The following GRIP1 variants were observed in gnomAD, a reference collection of about 807,000 sequenced individuals.
GRIP1 encodes the protein glutamate receptor interacting protein 1, also known as glutamate receptor-interacting protein 1.
In GRIP1, 45 loss-of-function variants were observed where a neutral mutation model predicts 129.9. That is an observed-to-expected ratio of 0.35 (90% confidence interval 0.27 to 0.44). GRIP1 has a LOEUF of 0.44. Among genes scored for constraint, GRIP1 ranks in the 20% least tolerant of loss-of-function variants. The pLI is 1.00. For synonymous variants in GRIP1, 530 were observed against 520.8 expected, an observed-to-expected ratio of 1.02 and a Z score of -0.24; for missense variants, 1,196 against 1,396.8, an observed-to-expected ratio of 0.86 and a Z score of 2.29.
intron 22 of GRIP1, chr12:66,372,137 AT>A (rs2055539939): frequency 1.6e-6 from 1 of 610,924 alleles, no homozygotes; most frequent in African/African-American, 1.8e-5. Context: ...CTCAAATCCA[AT>A]TTAAGTACTT....
intron 1 of GRIP1, among the ~76,000 whole-genome samples, chr12:66,923,250 G>A (rs2041242368): frequency 6.6e-6 from 1 of 152,184 alleles, no homozygotes; most frequent in Admixed American, 6.5e-5. Context: ...GGAAGCCAAA[G>A]CGGGAGGATC....
intron 1 of GRIP1, among the ~76,000 whole-genome samples, chr12:66,835,517 G>A (rs1394809671): frequency 2.0e-5 from 3 of 152,154 alleles, no homozygotes; most frequent in Non-Finnish European, 2.9e-5. Context: ...CCCCTCAGAA[G>A]GTGACGGGAT....
At chr12:66,593,684 C>A (rs764087992) in intron 2 of GRIP1, among the ~76,000 whole-genome samples, 2 of 152,110 alleles carry the variant, frequency 1.3e-5, no homozygotes, top group Non-Finnish European at 2.9e-5. Context: ...AGAGAAAGTG[C>A]TAATATGAAC....
intron 1 of GRIP1, among the ~76,000 whole-genome samples, chr12:66,773,851 C>A (rs1206297839): frequency 1.3e-5 from 2 of 151,876 alleles, no homozygotes; most frequent in Admixed American, 1.3e-4. Flanking sequence ...TCAAAGAAAG[C>A]ATAATATGCA....
chr12:66,506,483 C>T (rs1157106654), intron 7 of GRIP1, among the ~76,000 whole-genome samples: 1 of 152,044 alleles, frequency 6.6e-6, no homozygotes, highest in Non-Finnish European at 1.5e-5. Flanking sequence ...TAAAGTCCAG[C>T]AAAATGAATC....
At chr12:66,980,946 A>G (rs2042234605) in intron 1 of GRIP1, among the ~76,000 whole-genome samples, 1 of 152,180 alleles carries the variant, frequency 6.6e-6, no homozygotes, top group East Asian at 1.9e-4. Flanking sequence ...ACCACTAGAC[A>G]ACTAAAGGAC....
chr12:67,022,703 T>C (rs2042886021), intron 1 of GRIP1, among the ~76,000 whole-genome samples: 1 of 152,128 alleles, frequency 6.6e-6, no homozygotes, highest in Non-Finnish European at 1.5e-5. Context: ...TTGAGTATCT[T>C]TTTTTTATTT....
intron 1 of GRIP1, among the ~76,000 whole-genome samples, chr12:66,671,063 C>T (rs1052485458): frequency 6.6e-6 from 1 of 152,152 alleles, no homozygotes; most frequent in African/African-American, 2.4e-5. Flanking sequence ...GAACAGGCCA[C>T]ACTTCCAGGC....
chr12:66,671,224 A>T (rs1720494579), intron 1 of GRIP1, among the ~76,000 whole-genome samples: 1 of 152,132 alleles, frequency 6.6e-6, no homozygotes, highest in Non-Finnish European at 1.5e-5. Flanking sequence ...TTTACTAAGA[A>T]AGTCAAGTTT....
At chr12:66,412,636 T>C in intron 15 of GRIP1, among the ~76,000 whole-genome samples, 1 of 152,074 alleles carries the variant, frequency 6.6e-6, no homozygotes, top group Non-Finnish European at 1.5e-5. Flanking sequence ...ATATCAACAC[T>C]AAACTTAAAT....
At chr12:67,024,358 CA>C (rs1261984220) in intron 1 of GRIP1, among the ~76,000 whole-genome samples, 6 of 152,070 alleles carry the variant, frequency 3.9e-5, no homozygotes, top group Non-Finnish European at 8.8e-5. Flanking sequence ...GACAGACCTG[CA>C]GCCATAGACA....
chr12:66,374,630 G>A (rs904353451), intron 22 of GRIP1, among the ~76,000 whole-genome samples: 2 of 152,148 alleles, frequency 1.3e-5, no homozygotes, highest in Non-Finnish European at 2.9e-5. Flanking sequence ...TTTTTCATGA[G>A]AATGACAGGA....
At chr12:66,395,373 ATAG>A (rs1381751836) in intron 16 of GRIP1, among the ~76,000 whole-genome samples, 1 of 152,254 alleles carries the variant, frequency 6.6e-6, no homozygotes, top group African/African-American at 2.4e-5. Context: ...CTTTAGCAAA[ATAG>A]TCAGCTTTTA....
chr12:66,625,560 T>C (rs149514745), intron 1 of GRIP1, among the ~76,000 whole-genome samples: 232 of 152,292 alleles, frequency 1.5e-3, no homozygotes, highest in Non-Finnish European at 2.9e-3. Context: ...TTTTTTATTG[T>C]AATTGCTTTC....
intron 1 of GRIP1, among the ~76,000 whole-genome samples, chr12:66,692,231 G>C (rs918749140): frequency 6.6e-6 from 1 of 152,182 alleles, no homozygotes; most frequent in Non-Finnish European, 1.5e-5. Context: ...CTAGGTTGCA[G>C]CTGCAGATTA....
At chr12:66,483,601 G>A (rs1265031072) in intron 7 of GRIP1, among the ~76,000 whole-genome samples, 1 of 152,076 alleles carries the variant, frequency 6.6e-6, no homozygotes, top group African/African-American at 2.4e-5. Context: ...ATTAATTTTG[G>A]AATAACTTGA....
At chr12:66,857,089 T>C (rs564561081) in intron 1 of GRIP1, among the ~76,000 whole-genome samples, 1 of 152,106 alleles carries the variant, frequency 6.6e-6, no homozygotes, top group Non-Finnish European at 1.5e-5. Flanking sequence ...TGGATGAAGC[T>C]GGAAACCATC....
chr12:66,707,623 T>A (rs989600453), intron 1 of GRIP1, among the ~76,000 whole-genome samples: 3 of 151,570 alleles, frequency 2.0e-5, no homozygotes, highest in Non-Finnish European at 4.4e-5. Flanking sequence ...AGAGGTAAGA[T>A]TTTTTGCAAG....
At chr12:66,579,070 G>A (rs1308293411) in intron 2 of GRIP1, among the ~76,000 whole-genome samples, 2 of 152,172 alleles carry the variant, frequency 1.3e-5, no homozygotes, top group South Asian at 4.1e-4. Flanking sequence ...AACTTCCAGA[G>A]GAACGATCAG....
Sources: allele counts gnomAD v4.1 joint callset (sites outside exome capture counted in the v4.1 genomes callset), GRCh38; gene constraint gnomAD v4.1.1; transcripts MANE v1.5; gene names NCBI Gene and HGNC (gene_info 2026-07-23, HGNC 2026-07-21).